Variants in FER observed in about 807,000 individuals in gnomAD.
FER encodes the protein FER tyrosine kinase, also known as tyrosine-protein kinase Fer.
FER carries 63 observed loss-of-function variants against 111.0 expected under a neutral mutation model. The ratio of observed to expected loss-of-function variants is 0.57; its 90% CI spans 0.46 to 0.70. The LOEUF is 0.70. FER is among the 30% of genes least tolerant of loss of function. The pLI, the probability that FER is intolerant of heterozygous loss-of-function variation, is 0.00. For missense variants in FER, 914 were observed against 954.0 expected (o/e 0.96, Z 0.55); for synonymous variants, 327 against 313.9 (o/e 1.04, Z -0.44).
intron 1 of FER, among the ~76,000 whole-genome samples, chr5:108,762,099 C>T (rs1751824386): frequency 6.6e-6 from 1 of 151,810 alleles, no homozygotes; most frequent in African/African-American, 2.4e-5. Context: ...ATTTTTAATG[C>T]AGACAGGGTT....
At chr5:108,794,537 T>TCCCCCCCCCCCCCCCC (rs1755798783) in intron 2 of FER, among the ~76,000 whole-genome samples, 2 of 27,216 alleles carry the variant, frequency 7.3e-5, no homozygotes, top group African/African-American at 2.6e-4. Context: ...CCCCCCCCCC[T>TCCCCCCCCCCCCCCCC]CCCCGCACCT....
intron 2 of FER, among the ~76,000 whole-genome samples, chr5:108,791,328 C>T (rs976959541): frequency 7.1e-6 from 1 of 140,182 alleles, no homozygotes; most frequent in East Asian, 2.0e-4. Flanking sequence ...TGATTAGAGA[C>T]ATTCTAATGG....
chr5:108,963,206 T>G (rs963225828), intron 13 of FER, among the ~76,000 whole-genome samples: 4 of 152,204 alleles, frequency 2.6e-5, no homozygotes, highest in African/African-American at 9.6e-5. Flanking sequence ...TTCTTCATAT[T>G]TAGATGTTTT....
At chr5:109,090,711 T>C (rs1359975638) in intron 16 of FER, among the ~76,000 whole-genome samples, 1 of 152,156 alleles carries the variant, frequency 6.6e-6, no homozygotes, top group African/African-American at 2.4e-5. Context: ...AATTTAGTAG[T>C]GGAATTCAGC....
At chr5:108,842,276 A>C (rs944284422) in intron 5 of FER, 1 of 152,204 alleles carries the variant, frequency 6.6e-6, no homozygotes, top group African/African-American at 2.4e-5. Context: ...GATTTTTTCC[A>C]CAAAAATTAT....
chr5:109,137,287 T>C (rs184177146), intron 17 of FER, among the ~76,000 whole-genome samples: 1 of 152,308 alleles, frequency 6.6e-6, no homozygotes, highest in Non-Finnish European at 1.5e-5. Context: ...AAGAGGCTGC[T>C]CTGTCTCTTC....
At chr5:109,047,947 G>A (rs1469110825) in intron 16 of FER, among the ~76,000 whole-genome samples, 1 of 152,112 alleles carries the variant, frequency 6.6e-6, no homozygotes, top group Non-Finnish European at 1.5e-5. Flanking sequence ...ATGTTTTAAA[G>A]TTTTTTTCGT....
chr5:109,054,487 T>C (rs1158383021), intron 16 of FER, among the ~76,000 whole-genome samples: 2 of 152,256 alleles, frequency 1.3e-5, no homozygotes, highest in Non-Finnish European at 2.9e-5. Flanking sequence ...TTTCTTGTAA[T>C]TAAGTCTTGG....
chr5:108,853,052 ATATTT>A (rs1390568232), intron 5 of FER, among the ~76,000 whole-genome samples: 1 of 152,168 alleles, frequency 6.6e-6, no homozygotes, highest in Non-Finnish European at 1.5e-5. Flanking sequence ...ATTATCTTCT[ATATTT>A]TATCGGTAAG....
At chr5:108,860,374 C>T (rs1057071438) in intron 5 of FER, among the ~76,000 whole-genome samples, 3 of 152,184 alleles carry the variant, frequency 2.0e-5, no homozygotes, top group Non-Finnish European at 2.9e-5. Context: ...ATTTAATCTA[C>T]ATTACAACCC....
intron 17 of FER, among the ~76,000 whole-genome samples, chr5:109,137,093 T>TTAA (rs141375874): frequency 0.1 from 15,940 of 152,220 alleles, 842 homozygotes; most frequent in Non-Finnish European, 0.12. Context: ...TCGTTGTGTC[T>TTAA]TGATGTCAGT....
At chr5:108,821,098 TG>T (rs1758795398) in intron 3 of FER, among the ~76,000 whole-genome samples, 1 of 152,062 alleles carries the variant, frequency 6.6e-6, no homozygotes, top group African/African-American at 2.4e-5. Flanking sequence ...GGTGATAGAG[TG>T]AGACTACGTC....
At chr5:108,995,042 C>T (rs1051719554) in intron 13 of FER, among the ~76,000 whole-genome samples, 1 of 152,058 alleles carries the variant, frequency 6.6e-6, no homozygotes, top group Non-Finnish European at 1.5e-5. Context: ...GATGTAGGAT[C>T]TCGTCATCTG....
intron 5 of FER, among the ~76,000 whole-genome samples, chr5:108,862,314 T>C: frequency 6.6e-6 from 1 of 152,168 alleles, no homozygotes; most frequent in Middle Eastern, 3.2e-3. Context: ...TTAACTTCTC[T>C]AATGTTATCT....
chr5:108,916,639 T>C (rs1038660315), intron 10 of FER, among the ~76,000 whole-genome samples: 4 of 152,190 alleles, frequency 2.6e-5, no homozygotes, highest in African/African-American at 9.6e-5. Context: ...TTTTTTGATA[T>C]AGTGAACCTT....
At chr5:109,069,396 CAA>C (rs1355940799) in intron 16 of FER, among the ~76,000 whole-genome samples, 1 of 152,064 alleles carries the variant, frequency 6.6e-6, no homozygotes, top group Non-Finnish European at 1.5e-5. Context: ...GCTTAGAGGA[CAA>C]GAGATCTTTA....
chr5:108,778,591 G>A (rs1450624490), intron 2 of FER, among the ~76,000 whole-genome samples: 1 of 152,202 alleles, frequency 6.6e-6, no homozygotes, highest in Non-Finnish European at 1.5e-5. Context: ...GTGATGTGGA[G>A]CATCTTTTCA....
intron 2 of FER, 93 bp from the exon 3 acceptor site, chr5:108,798,031 T>TA (rs1756233968): frequency 1.9e-6 from 1 of 516,828 alleles, no homozygotes; most frequent in Non-Finnish European, 3.4e-6. Flanking sequence ...TTTTTTTTTT[T>TA]AACCCCAAAG....
At position 108,798,239 on chromosome 5, in the gene FER, C is replaced by T. The variant is rs144530313; in HGVS notation, c.57C>T (p.Asp19=). The change falls in exon 3 of 20, where the codon GAC becomes GAT. Residue 19 remains aspartate, a synonymous_variant. Transcript: ENST00000281092. The part of the protein sequence containing the change: ...NSHEAVLKLQ[D]WELRLLETVK... ...ATGAAGCAGTGTTAAAATTGCAAGA[C>T]TGGGAATTACGGTTACTGGAAACAG... 1.9e-5 allele frequency: 30 copies of T among 1,613,882 alleles called. No individual in the cohort carries two copies. Among genetic ancestry groups the T allele is most frequent in the Non-Finnish European group, 2.5e-5 (29 of 1,180,000 alleles).
Sources: gnomAD v4.1 joint callset for allele counts (sites outside exome capture counted in the v4.1 genomes callset) on GRCh38, gnomAD v4.1.1 for gene constraint, MANE v1.5 for transcripts, NCBI Gene and HGNC (gene_info 2026-07-23, HGNC 2026-07-21) for gene names.